CDR2: variants seen among roughly 807,000 people sequenced by gnomAD.
CDR2 encodes the protein cerebellar degeneration related protein 2, also known as cerebellar degeneration-related protein 2.
A neutral mutation model predicts 48.4 loss-of-function variants in CDR2; 34 were observed. That is an observed-to-expected ratio of 0.70 (90% CI 0.53 to 0.94). The LOEUF is 0.94. CDR2 is among the 40% of genes least tolerant of loss of function. The pLI is 0.00. For synonymous variants in CDR2, 240 were observed against 219.7 expected, an observed-to-expected ratio of 1.09 and a Z score of -0.82; for missense variants, 498 against 549.5, an observed-to-expected ratio of 0.91 and a Z score of 0.94.
Position 22,346,821 on chromosome 16 carries a change from TCG to T in CDR2, c.*142_*143del. ...TGATACCACTAGCCACCTCCTTTCCTCGTTGTATGCATTTGCTAAATAAGCAA... is the reference window on the plus strand; with the variant it reads ...TGATACCACTAGCCACCTCCTTTCCTTTGTATGCATTTGCTAAATAAGCAA... On this transcript the variant is annotated 3_prime_UTR_variant, in exon 5 of 5. Coordinates refer to ENST00000268383, the MANE Select transcript of CDR2 (RefSeq NM_001802.2). The T allele has an allele frequency of 3.4e-6, 3 of 879,610 alleles. No homozygotes were observed. Among genetic ancestry groups the T allele is most frequent in the Non-Finnish European group, 3.6e-6 (2 of 559,470 alleles). 54.5% of individuals were successfully genotyped at this position (879,610 alleles called of 1,614,324 possible). A position where few individuals can be genotyped will look rare whatever the true frequency, so the allele number is the denominator to read the frequency against.
At position 22,364,933 on chromosome 16, in the gene CDR2, G is replaced by C; in HGVS notation, c.161C>G (p.Thr54Arg). 6.2e-7 allele frequency: 1 copy of C among 1,611,816 alleles called. No homozygotes were observed. The highest frequency in any genetic ancestry group is 8.5e-7 in the Non-Finnish European group (1 of 1,177,900). The change falls in exon 2 of 5, where the codon ACA becomes AGA. Residue 54 changes from threonine (T) to arginine (R), a missense_variant. By Grantham distance (71) the Thr-to-Arg change is moderately conservative (BLOSUM62 -1). Transcript: ENST00000268383. ...TTCCTGTAACTGCTCCTGATTGGTT[G>C]TATACATCTGCTGAACAGAGTCCTC... ...ELEDSVQQMY[T>R]TNQEQLQEIE...
At chr16:22,363,321 T>C (rs559859197) in intron 2 of CDR2, among the ~76,000 whole-genome samples, 4 of 152,292 alleles carry the variant, frequency 2.6e-5, no homozygotes, top group South Asian at 2.1e-4. Flanking sequence ...AAATGGTACC[T>C]GGTGACTTCA....
intron 2 of CDR2, among the ~76,000 whole-genome samples, chr16:22,356,969 AAAG>A (rs1261390112): frequency 7.6e-4 from 115 of 151,234 alleles, no homozygotes; most frequent in East Asian, 3.9e-3. Context: ...AAAAAAAAAA[AAAG>A]AAGACCACCT....
At chr16:22,365,655 A>G (rs1567349167) in intron 1 of CDR2, among the ~76,000 whole-genome samples, 1 of 152,190 alleles carries the variant, frequency 6.6e-6, no homozygotes, top group African/African-American at 2.4e-5. Context: ...GCACAGAACC[A>G]TATTTTATTT....
rs559867033 is a variant in CDR2, at chr16:22,353,002, T to C, written c.193-3153A>G. On this transcript the variant is annotated intron_variant, in intron 2 of 4. Coordinates refer to ENST00000268383, the MANE Select transcript of CDR2 (RefSeq NM_001802.2). ...ACATGTTCAATCTCTTAGGAATTGA[T>C]GAGATTCCACAGGAGCGGAAAAAAG... 9.2e-5 allele frequency among the ~76,000 whole-genome samples: 14 copies of C among 152,272 alleles called. No individual in the cohort carries two copies. In the South Asian group the frequency reaches 2.1e-3, roughly 23 times the overall value.
chr16:22,367,921 C>T (rs1192407653), intron 1 of CDR2, among the ~76,000 whole-genome samples: 1 of 152,124 alleles, frequency 6.6e-6, no homozygotes, highest in Non-Finnish European at 1.5e-5. Context: ...TTAGTCATTA[C>T]ATTCATTAAG....
intron 1 of CDR2, among the ~76,000 whole-genome samples, chr16:22,370,847 T>G (rs2049070914): frequency 6.6e-6 from 1 of 152,240 alleles, no homozygotes; most frequent in South Asian, 2.1e-4. Context: ...ATTCAATCTA[T>G]TCAGAGCATG....
intron 1 of CDR2, among the ~76,000 whole-genome samples, chr16:22,372,736 T>C (rs1191775548): frequency 6.6e-6 from 1 of 152,202 alleles, no homozygotes; most frequent in Non-Finnish European, 1.5e-5. Context: ...ACTAAGTAGC[T>C]TGGACTCTGT....
chr16:22,357,588 C>T (rs2048983612), intron 2 of CDR2, among the ~76,000 whole-genome samples: 1 of 152,188 alleles, frequency 6.6e-6, no homozygotes, highest in Non-Finnish European at 1.5e-5. Flanking sequence ...AATTCTCTCC[C>T]CGCTTTTCCA....
At chr16:22,368,437 TG>T (rs2049056502) in intron 1 of CDR2, among the ~76,000 whole-genome samples, 1 of 152,246 alleles carries the variant, frequency 6.6e-6, no homozygotes, top group African/African-American at 2.4e-5. Context: ...CTCGAAATCC[TG>T]ACCTCAAGTG....
rs879871988 is a variant in CDR2, at chr16:22,369,642, C to CAGGATATT, written c.79+4588_79+4589insAATATCCT. On this transcript the variant is annotated intron_variant, in intron 1 of 4. Transcript: ENST00000268383. ...CTACAAGAAAGCTCCTGTGAAGTCACACTGTATAACAGGATATTACTTCAT... is the reference window on the plus strand; with the variant it reads ...CTACAAGAAAGCTCCTGTGAAGTCACAGGATATTACTGTATAACAGGATATTACTTCAT... Among the ~76,000 whole-genome samples the CAGGATATT allele has an allele frequency of 3.1e-3, 466 of 152,154 alleles. 4 individuals are homozygous for CAGGATATT. Among genetic ancestry groups the CAGGATATT allele is most frequent in the Non-Finnish European group, 4.7e-3 (319 of 67,952 alleles).
chr16:22,373,008 A>G (rs2049088509), intron 1 of CDR2, among the ~76,000 whole-genome samples: 1 of 152,200 alleles, frequency 6.6e-6, no homozygotes. Flanking sequence ...ATGCCTGGAA[A>G]AATTCCTGAG....
intron 2 of CDR2, among the ~76,000 whole-genome samples, chr16:22,358,791 C>G (rs984864874): frequency 1.3e-5 from 2 of 152,100 alleles, no homozygotes; most frequent in African/African-American, 4.8e-5. Flanking sequence ...GAGGCATGAA[C>G]ATGAAAATAG....
rs959063554 is a variant in CDR2 at position 22,346,849 on chromosome 16, A to T, written c.*116T>A. The T allele has an allele frequency of 8.6e-7, 1 of 1,165,814 alleles. No homozygotes were observed. The highest frequency in any genetic ancestry group is 2.2e-5 in the Admixed American group (1 of 45,138). 72.2% of individuals were successfully genotyped at this position (1,165,814 alleles called of 1,614,324 possible). ...TTGTATGCATTTGCTAAATAAGCAAAGCAATGAGGCAAACGTCATGAGTAA... is the reference window on the plus strand; with the variant it reads ...TTGTATGCATTTGCTAAATAAGCAATGCAATGAGGCAAACGTCATGAGTAA... On this transcript the variant is annotated 3_prime_UTR_variant, in exon 5 of 5. Transcript: ENST00000268383.
At chr16:22,360,736 GATC>G (rs1478761926) in intron 2 of CDR2, among the ~76,000 whole-genome samples, 5 of 120,554 alleles carry the variant, frequency 4.1e-5, no homozygotes, top group Non-Finnish European at 5.2e-5. Context: ...TTAAAAAAAT[GATC>G]TTTTTTTTTT....
intron 4 of CDR2, chr16:22,349,067 C>A: frequency 4.1e-6 from 2 of 492,932 alleles, no homozygotes; most frequent in South Asian, 5.8e-5. Context: ...ATTAAAAACA[C>A]TGAAATAAGT....
chr16:22,348,521 C>T (rs941514447), intron 4 of CDR2, among the ~76,000 whole-genome samples: 1 of 152,160 alleles, frequency 6.6e-6, no homozygotes, highest in Non-Finnish European at 1.5e-5. Context: ...TATGTAACTA[C>T]GATTGAATCA....
intron 1 of CDR2, among the ~76,000 whole-genome samples, chr16:22,366,782 T>C (rs964646153): frequency 2.6e-5 from 4 of 152,100 alleles, no homozygotes; most frequent in African/African-American, 9.7e-5. Flanking sequence ...CTCCGGCTGC[T>C]GTTATACAGG....
chr16:22,374,292 C>T lies in CDR2; in HGVS notation c.18G>A (p.Leu6=), dbSNP rs151255507. Residue 6 remains leucine, a synonymous_variant, in exon 1 of 5, where the codon CTG becomes CTA. Coordinates refer to ENST00000268383, the MANE Select transcript of CDR2 (RefSeq NM_001802.2). The part of the protein sequence containing the change: MLAEN[L]VEEFEMKEDE... The stretch of plus-strand genomic sequence containing the variant: ...CCTCCTTCATCTCAAACTCCTCTAC[C>T]AGGTTTTCCGCCAGCATCTCGGCTG... 6.2e-5 allele frequency: 100 copies of T among 1,601,188 alleles called. No individual in the cohort carries two copies. Among genetic ancestry groups the T allele is most frequent in the Middle Eastern group, 1.7e-4 (1 of 6,038 alleles).
Sources: allele counts gnomAD v4.1 joint callset (sites outside exome capture counted in the v4.1 genomes callset), GRCh38; gene constraint gnomAD v4.1.1; transcripts MANE v1.5; gene names NCBI Gene and HGNC (gene_info 2026-07-23, HGNC 2026-07-21).